BAZ1A: variants seen among roughly 807,000 people sequenced by gnomAD.
BAZ1A encodes bromodomain adjacent to zinc finger domain protein 1A.
Under a neutral mutation model 185.2 loss-of-function variants are expected in BAZ1A, and 50 were observed. The ratio of observed to expected loss-of-function variants is 0.27; its 90% CI spans 0.22 to 0.34. The LOEUF (loss-of-function observed/expected upper bound fraction) is 0.34. BAZ1A is among the 10% of genes least tolerant of loss of function. The pLI is 1.00. For missense variants in BAZ1A, 1,356 were observed against 1,839.9 expected (o/e 0.74, Z 4.81); for synonymous variants, 571 against 615.6 (o/e 0.93, Z 1.07).
At chr14:34,781,220 G>A (rs187352521) in intron 16 of BAZ1A, among the ~76,000 whole-genome samples, 1 of 152,052 alleles carries the variant, frequency 6.6e-6, no homozygotes, top group Admixed American at 6.6e-5. Context: ...AAAATATGAA[G>A]ATGTGAAATC....
chr14:34,777,850 G>A (rs375041410), intron 17 of BAZ1A, among the ~76,000 whole-genome samples: 14 of 152,048 alleles, frequency 9.2e-5, no homozygotes, highest in African/African-American at 3.1e-4. Flanking sequence ...AATCAGCCAG[G>A]TGTGGTGGTG....
chr14:34,821,302 T>C (rs913585880), intron 4 of BAZ1A, among the ~76,000 whole-genome samples: 8 of 152,172 alleles, frequency 5.3e-5, no homozygotes, highest in Non-Finnish European at 1.2e-4. Context: ...CATTACAGAA[T>C]GATTCTAAGA....
chr14:34,832,215 C>CATATATAT lies in BAZ1A; in HGVS notation c.393-6067_393-6060dup, dbSNP rs796421959. 3.5e-3 allele frequency among the ~76,000 whole-genome samples: 315 copies of CATATATAT among 89,652 alleles called. 8 individuals carry two copies. Among genetic ancestry groups the CATATATAT allele is most frequent in the Admixed American group, 0.011 (82 of 7,368 alleles). 58.8% of individuals were successfully genotyped at this position (89,652 alleles called of 152,430 possible). ...ATACACACACACACACACACACACA[C>CATATATAT]ATATATATATATATATGTATGTATG... On this transcript the variant is annotated intron_variant, in intron 3 of 26. Transcript: ENST00000360310.
At chr14:34,800,842 A>G (rs1034471158) in intron 8 of BAZ1A, among the ~76,000 whole-genome samples, 1 of 152,200 alleles carries the variant, frequency 6.6e-6, no homozygotes, top group Non-Finnish European at 1.5e-5. Flanking sequence ...TGGAAACTCA[A>G]ACTTCTGCTT....
chr14:34,858,332 A>C (rs1414758852), intron 3 of BAZ1A, among the ~76,000 whole-genome samples: 5 of 151,988 alleles, frequency 3.3e-5, no homozygotes, highest in Admixed American at 2.6e-4. Context: ...ATCTCGGTTC[A>C]CTGCAACTTC....
At chr14:34,868,601 G>A (rs1465942099) in intron 2 of BAZ1A, among the ~76,000 whole-genome samples, 2 of 152,134 alleles carry the variant, frequency 1.3e-5, no homozygotes, top group Non-Finnish European at 2.9e-5. Context: ...AGGAGGTCAA[G>A]ACCAGCATAG....
At chr14:34,782,504 T>C (rs1880103860) in intron 16 of BAZ1A, among the ~76,000 whole-genome samples, 1 of 152,146 alleles carries the variant, frequency 6.6e-6, no homozygotes, top group Non-Finnish European at 1.5e-5. Flanking sequence ...TTTTTATTGT[T>C]GAGTTGTAAG....
rs3742371 is a variant in BAZ1A, at chr14:34,753,417, T to C, written c.*91A>G. ...GCAGGCCACACTTTCATGTGGTCAA[T>C]CAATTGTTATTGCTTTATACAGCAT... On this transcript the variant is annotated 3_prime_UTR_variant, in exon 27 of 27. Transcript: ENST00000360310. The C allele has an allele frequency of 0.15, 195,613 of 1,300,424 alleles. 17,090 individuals are homozygous for C. Among genetic ancestry groups the C allele is most frequent in the African/African-American group, 0.3 (20,208 of 67,678 alleles). The allele number at this position is 1,300,424 out of a possible 1,614,324, so 80.6% of individuals were successfully genotyped here.
chr14:34,774,155 G>A (rs540313034), intron 19 of BAZ1A, among the ~76,000 whole-genome samples, 172 bp downstream of exon 19: 2 of 152,170 alleles, frequency 1.3e-5, no homozygotes, highest in South Asian at 4.2e-4. Flanking sequence ...TGAAAATATC[G>A]GAAAAAATAT....
At chr14:34,788,046 TCTCA>T (rs1490810673) in intron 12 of BAZ1A, among the ~76,000 whole-genome samples, 5 of 150,102 alleles carry the variant, frequency 3.3e-5, no homozygotes, top group Non-Finnish European at 7.4e-5. Flanking sequence ...GAAGATGGAG[TCTCA>T]CTCTGTCACC....
chr14:34,861,382 G>A (rs766642226), intron 3 of BAZ1A, among the ~76,000 whole-genome samples: 9 of 152,092 alleles, frequency 5.9e-5, no homozygotes, highest in African/African-American at 1.2e-4. Context: ...TGAAGAGCTC[G>A]GTGAAAGGGA....
intron 4 of BAZ1A, among the ~76,000 whole-genome samples, chr14:34,825,327 C>A (rs2042150488): frequency 3.3e-5 from 5 of 151,558 alleles, no homozygotes; most frequent in Admixed American, 3.3e-4. Context: ...GTGGTGCATG[C>A]CTGTAATCCC....
intron 11 of BAZ1A, among the ~76,000 whole-genome samples, chr14:34,794,290 T>C (rs773934418): frequency 2.6e-5 from 4 of 152,214 alleles, no homozygotes; most frequent in African/African-American, 4.8e-5. Flanking sequence ...AGTAAAAGTA[T>C]ATAAGTACAC....
intron 7 of BAZ1A, among the ~76,000 whole-genome samples, chr14:34,801,745 T>C (rs1881577198): frequency 6.6e-6 from 1 of 151,890 alleles, no homozygotes; most frequent in African/African-American, 2.4e-5. Flanking sequence ...CCCATCTCTA[T>C]TAAAAATGCA....
intron 4 of BAZ1A, among the ~76,000 whole-genome samples, chr14:34,818,481 A>C (rs1238417473): frequency 6.6e-6 from 1 of 152,216 alleles, no homozygotes; most frequent in Non-Finnish European, 1.5e-5. Flanking sequence ...ACATTTTTTA[A>C]ATTACTAAAC....
intron 5 of BAZ1A, 90 bp downstream of exon 5, chr14:34,810,845 A>G (rs935913148): frequency 1.2e-6 from 1 of 855,234 alleles, no homozygotes; most frequent in African/African-American, 1.7e-5. Context: ...CAATCACAGT[A>G]CTTCCCATTT....
At chr14:34,844,594 C>G (rs1566592856) in intron 3 of BAZ1A, among the ~76,000 whole-genome samples, 1 of 150,470 alleles carries the variant, frequency 6.6e-6, no homozygotes, top group Non-Finnish European at 1.5e-5. Context: ...CTGGGCAACG[C>G]AGGGAGACCC....
intron 3 of BAZ1A, among the ~76,000 whole-genome samples, chr14:34,851,101 T>C (rs1489168703): frequency 6.6e-6 from 1 of 151,938 alleles, no homozygotes; most frequent in African/African-American, 2.4e-5. Flanking sequence ...GAGAGACCGA[T>C]GCTGGTAGAT....
intron 12 of BAZ1A, among the ~76,000 whole-genome samples, chr14:34,787,363 A>AAGAAAAGAAAAG (rs1555339670): frequency 3.5e-5 from 4 of 112,798 alleles, no homozygotes; most frequent in African/African-American, 6.7e-5. Context: ...AAAAAAAAAA[A>AAGAAAAGAAAAG]AAAAAGAAAA....
Sources: allele counts gnomAD v4.1 joint callset (sites outside exome capture counted in the v4.1 genomes callset), GRCh38; gene constraint gnomAD v4.1.1; transcripts MANE v1.5; gene names NCBI Gene and HGNC (gene_info 2026-07-23, HGNC 2026-07-21).